The following TUSC3 variants were observed in gnomAD, a reference collection of about 807,000 sequenced individuals.
TUSC3 encodes the protein tumor suppressor candidate 3.
Under a neutral mutation model 44.8 loss-of-function variants are expected in TUSC3, and 45 were observed. The observed-to-expected ratio is 1.00, with a 90% CI of 0.79 to 1.29. The LOEUF is 1.29. TUSC3 is among the 50% of genes most tolerant of loss of function. The pLI is 0.00. For missense variants in TUSC3, 519 were observed against 437.9 expected (o/e 1.19, Z -1.65); for synonymous variants, 212 against 152.9 (o/e 1.39, Z -2.85).
the TUSC3 span, among the ~76,000 whole-genome samples, chr8:15,822,469 C>G: frequency 1.3e-5 from 2 of 152,070 alleles, no homozygotes; most frequent in Admixed American, 1.3e-4. Flanking sequence ...GCACTTATCC[C>G]AGAGTTTCTG....
At chr8:15,487,890 G>A (rs932476444) in intron 2 of TUSC3, among the ~76,000 whole-genome samples, 1 of 144,506 alleles carries the variant, frequency 6.9e-6, no homozygotes, top group Middle Eastern at 3.4e-3. Context: ...CTAGAATAGT[G>A]TGCTGGCAAT....
At chr8:15,554,600 A>AT (rs376264004) in intron 1 of TUSC3, among the ~76,000 whole-genome samples, 25,204 of 111,576 alleles carry the variant, frequency 0.23, 4,520 homozygotes, top group Non-Finnish European at 0.3. Flanking sequence ...TTTTACTATA[A>AT]TTTTTTTTTT....
intron 3 of TUSC3, among the ~76,000 whole-genome samples, chr8:15,656,732 G>C (rs1807184833): frequency 6.6e-6 from 1 of 152,228 alleles, no homozygotes; most frequent in South Asian, 2.1e-4. Flanking sequence ...TGCTGCTGTA[G>C]ATCCACTAAG....
At chr8:15,726,970 G>T (rs1191792246) in intron 6 of TUSC3, among the ~76,000 whole-genome samples, 1 of 152,140 alleles carries the variant, frequency 6.6e-6, no homozygotes, top group Admixed American at 6.5e-5. Context: ...ATCTGAAAAT[G>T]CATTGCCCTT....
chr8:15,651,471 G>A (rs1806901540), intron 3 of TUSC3, among the ~76,000 whole-genome samples: 1 of 152,194 alleles, frequency 6.6e-6, no homozygotes, highest in Non-Finnish European at 1.5e-5. Flanking sequence ...TTTGAAGATA[G>A]GGCCTTGAAG....
At chr8:15,842,024 G>T in the TUSC3 span, among the ~76,000 whole-genome samples, 1 of 152,228 alleles carries the variant, frequency 6.6e-6, no homozygotes, top group African/African-American at 2.4e-5. Context: ...GGCAATTTTA[G>T]TGACTTGCTA....
intron 2 of TUSC3, among the ~76,000 whole-genome samples, chr8:15,523,389 A>G (rs755952774): frequency 6.6e-6 from 1 of 152,048 alleles, no homozygotes; most frequent in Non-Finnish European, 1.5e-5. Context: ...TACATTTTGC[A>G]GTATCCTTTG....
At chr8:15,522,189 A>C (rs982015074) in intron 2 of TUSC3, among the ~76,000 whole-genome samples, 1 of 151,850 alleles carries the variant, frequency 6.6e-6, no homozygotes, top group South Asian at 2.1e-4. Context: ...TTCCACCACA[A>C]GTCATGGGTA....
chr8:15,449,654 A>G (rs1235380556), intron 1 of TUSC3, among the ~76,000 whole-genome samples: 2 of 152,136 alleles, frequency 1.3e-5, no homozygotes, highest in African/African-American at 4.8e-5. Context: ...TCCCACAGGA[A>G]TTCAGCCTCC....
chr8:15,490,585 C>G (rs1328891830), intron 2 of TUSC3, among the ~76,000 whole-genome samples: 1 of 152,190 alleles, frequency 6.6e-6, no homozygotes, highest in African/African-American at 2.4e-5. Flanking sequence ...AAGCCCAGCT[C>G]AGACACAAAG....
chr8:15,740,953 G>C (rs1030293309), intron 7 of TUSC3, among the ~76,000 whole-genome samples: 13 of 152,098 alleles, frequency 8.5e-5, no homozygotes, highest in Non-Finnish European at 1.8e-4. Context: ...TTACCACATT[G>C]TTTGAATTTA....
intron 6 of TUSC3, among the ~76,000 whole-genome samples, chr8:15,684,909 C>A (rs1003711436): frequency 6.6e-6 from 1 of 152,162 alleles, no homozygotes; most frequent in African/African-American, 2.4e-5. Context: ...TGTGGGCACA[C>A]TTCTGCAAGA....
At chr8:15,638,672 T>C (rs1469253355) in intron 2 of TUSC3, among the ~76,000 whole-genome samples, 1 of 151,874 alleles carries the variant, frequency 6.6e-6, no homozygotes, top group Non-Finnish European at 1.5e-5. Flanking sequence ...ATTACAGACA[T>C]GTGGTACCAC....
At chr8:15,546,775 T>A (rs1366451884) in intron 1 of TUSC3, among the ~76,000 whole-genome samples, 1 of 151,604 alleles carries the variant, frequency 6.6e-6, no homozygotes, top group Admixed American at 6.6e-5. Flanking sequence ...CCTCAGGTGA[T>A]CTGCCCGTCT....
intron 9 of TUSC3, among the ~76,000 whole-genome samples, chr8:15,750,851 A>G (rs1045758590): frequency 2.6e-5 from 4 of 152,010 alleles, no homozygotes; most frequent in East Asian, 3.8e-4. Flanking sequence ...AATATAGATG[A>G]AACTCTTGTA....
At chr8:15,789,798 A>T in the TUSC3 span, among the ~76,000 whole-genome samples, 2 of 152,224 alleles carry the variant, frequency 1.3e-5, no homozygotes, top group Non-Finnish European at 2.9e-5. Context: ...CCTTAAAAGT[A>T]ACAAGGAAAA....
intron 2 of TUSC3, among the ~76,000 whole-genome samples, chr8:15,496,371 T>G (rs1429038693): frequency 6.6e-6 from 1 of 152,220 alleles, no homozygotes; most frequent in East Asian, 1.9e-4. Flanking sequence ...ACTGTGAATT[T>G]GTGCTGTCTC....
intron 8 of TUSC3, among the ~76,000 whole-genome samples, chr8:15,744,751 T>C (rs2129215300): frequency 6.6e-6 from 1 of 152,284 alleles, no homozygotes; most frequent in East Asian, 1.9e-4. Context: ...ATCTTTTGAA[T>C]AAACACCATG....
intron 6 of TUSC3, among the ~76,000 whole-genome samples, chr8:15,704,507 C>A (rs1473245604): frequency 6.6e-6 from 1 of 152,004 alleles, no homozygotes; most frequent in Admixed American, 6.6e-5. Flanking sequence ...TTTTAAAAAT[C>A]ACTTATTTTT....
Sources: allele counts gnomAD v4.1 joint callset (sites outside exome capture counted in the v4.1 genomes callset), GRCh38; gene constraint gnomAD v4.1.1; transcripts MANE v1.5; gene names NCBI Gene and HGNC (gene_info 2026-07-23, HGNC 2026-07-21).